Variants in ASXL3 observed in about 807,000 individuals in gnomAD.
The protein encoded by ASXL3 is putative Polycomb group protein ASXL3.
ASXL3 carries 34 observed loss-of-function variants against 170.6 expected under a neutral mutation model. The observed-to-expected ratio is 0.20, with a 90% confidence interval of 0.15 to 0.27. The LOEUF is 0.27. Ranked by LOEUF, ASXL3 falls within the 10% of genes least tolerant of loss-of-function variation. The pLI is 1.00. For synonymous variants in ASXL3, 1,002 were observed against 989.1 expected (o/e 1.01, Z -0.24); for missense variants, 2,592 against 2,695.3 (o/e 0.96, Z 0.85).
chr18:33,708,178 G>GT (rs2066995040), intron 8 of ASXL3, among the ~76,000 whole-genome samples: 1 of 152,146 alleles, frequency 6.6e-6, no homozygotes, highest in Admixed American at 6.5e-5. Flanking sequence ...CAAAGTTTGT[G>GT]TAAGATTTAT....
chr18:33,586,255 C>T (rs1408576507), intron 1 of ASXL3, among the ~76,000 whole-genome samples: 2 of 151,970 alleles, frequency 1.3e-5, no homozygotes, highest in Non-Finnish European at 2.9e-5. Flanking sequence ...TCTTTACATA[C>T]ATCAAATCCT....
chr18:33,578,779 C>T (rs555840143), intron 1 of ASXL3, 94 bp downstream of exon 1: 221 of 788,054 alleles, frequency 2.8e-4, no homozygotes, highest in African/African-American at 2.0e-3. Context: ...CCACTTCCAG[C>T]CCGAGCCGCC....
intron 1 of ASXL3, among the ~76,000 whole-genome samples, chr18:33,596,365 G>A (rs2145105336): frequency 6.6e-6 from 1 of 152,188 alleles, no homozygotes; most frequent in East Asian, 1.9e-4. Flanking sequence ...TAGTGTATGT[G>A]TGTGCTTGGT....
At chr18:33,706,147 C>G (rs771644360) in intron 8 of ASXL3, among the ~76,000 whole-genome samples, 3 of 149,684 alleles carry the variant, frequency 2.0e-5, no homozygotes, top group Non-Finnish European at 3.0e-5. Context: ...AGTAGCTGTA[C>G]TTTTAGGAAC....
chr18:33,586,426 C>G (rs1432531082), intron 1 of ASXL3, among the ~76,000 whole-genome samples: 1 of 151,348 alleles, frequency 6.6e-6, no homozygotes. Flanking sequence ...AGTATTATGT[C>G]TTCAAAACCT....
At chr18:33,612,666 A>G (rs2065355080) in intron 2 of ASXL3, among the ~76,000 whole-genome samples, 1 of 152,084 alleles carries the variant, frequency 6.6e-6, no homozygotes, top group Admixed American at 6.6e-5. Flanking sequence ...GGGGGATAAC[A>G]TGTCAGAAAT....
intron 8 of ASXL3, among the ~76,000 whole-genome samples, chr18:33,721,774 T>C (rs1027920999): frequency 1.5e-4 from 23 of 152,084 alleles, no homozygotes; most frequent in African/African-American, 1.7e-4. Context: ...TTTAGTTTGC[T>C]TTATTGCACT....
At chr18:33,627,321 G>T (rs1217995341) in intron 2 of ASXL3, among the ~76,000 whole-genome samples, 2 of 152,148 alleles carry the variant, frequency 1.3e-5, no homozygotes, top group Admixed American at 6.6e-5. Context: ...AAGTGAGAAA[G>T]TGTGAATTGT....
At chr18:33,618,499 A>T (rs2065463219) in intron 2 of ASXL3, among the ~76,000 whole-genome samples, 1 of 152,112 alleles carries the variant, frequency 6.6e-6, no homozygotes, top group African/African-American at 2.4e-5. Flanking sequence ...GGAGATGTAG[A>T]TATTACTGTT....
chr18:33,596,362 T>C (rs2065126845), intron 1 of ASXL3, among the ~76,000 whole-genome samples: 1 of 152,270 alleles, frequency 6.6e-6, no homozygotes, highest in South Asian at 2.1e-4. Context: ...TTTTAGTGTA[T>C]GTGTGTGCTT....
At chr18:33,628,406 A>G (rs888083075) in intron 2 of ASXL3, among the ~76,000 whole-genome samples, 8 of 152,182 alleles carry the variant, frequency 5.3e-5, no homozygotes, top group African/African-American at 1.9e-4. Context: ...AATGAGAGAC[A>G]TAGGAATGTA....
At chr18:33,620,723 G>A (rs913277217) in intron 2 of ASXL3, among the ~76,000 whole-genome samples, 1 of 152,132 alleles carries the variant, frequency 6.6e-6, no homozygotes, top group Admixed American at 6.6e-5. Flanking sequence ...ATAAGAAGGT[G>A]ATGAGGGATT....
chr18:33,649,835 A>G (rs1048297078), intron 4 of ASXL3, among the ~76,000 whole-genome samples: 2 of 152,120 alleles, frequency 1.3e-5, no homozygotes, highest in Non-Finnish European at 2.9e-5. Context: ...TGTAAGTGAT[A>G]TGAGAGTGGA....
At chr18:33,707,219 A>G (rs571520617) in intron 8 of ASXL3, among the ~76,000 whole-genome samples, 32 of 152,094 alleles carry the variant, frequency 2.1e-4, no homozygotes, top group Non-Finnish European at 3.4e-4. Flanking sequence ...TTGTATTTTC[A>G]TAGAAATTTT....
At chr18:33,728,591 C>T (rs1020828339) in intron 8 of ASXL3, among the ~76,000 whole-genome samples, 11 of 152,112 alleles carry the variant, frequency 7.2e-5, no homozygotes, top group Admixed American at 5.2e-4. Context: ...TAAAGACTTA[C>T]ACTCAAGGTT....
At chr18:33,689,119 G>A (rs971820037) in intron 8 of ASXL3, among the ~76,000 whole-genome samples, 3 of 151,798 alleles carry the variant, frequency 2.0e-5, no homozygotes, top group Non-Finnish European at 4.4e-5. Flanking sequence ...TCAGCCTCCC[G>A]AGTAGCTAGA....
At chr18:33,668,895 A>AACACAC (rs34048637) in intron 5 of ASXL3, among the ~76,000 whole-genome samples, 1 of 150,944 alleles carries the variant, frequency 6.6e-6, no homozygotes, top group African/African-American at 2.4e-5. Context: ...ACTCTAACCA[A>AACACAC]ACACACACAC....
rs960347161 is a variant in ASXL3, at chr18:33,746,717, C to A, written c.*122C>A. On this transcript the variant is annotated 3_prime_UTR_variant, in exon 12 of 12. Coordinates refer to ENST00000269197, the MANE Select transcript of ASXL3 (RefSeq NM_030632.3). ...AATTTATTTTGCTTTGGAGCAGGTA[C>A]CTTTCCTCTATGGCATTATTTTCTT... 2.4e-5 allele frequency: 35 copies of A among 1,431,954 alleles called. No individual in the cohort carries two copies. The highest frequency in any genetic ancestry group is 3.1e-5 in the Non-Finnish European group (34 of 1,087,152). The allele number at this position is 1,431,954 out of a possible 1,614,324, so 88.7% of individuals were successfully genotyped here.
chr18:33,717,661 A>G (rs1469978821), intron 8 of ASXL3, among the ~76,000 whole-genome samples: 1 of 152,094 alleles, frequency 6.6e-6, no homozygotes, highest in Non-Finnish European at 1.5e-5. Context: ...GGAGACTACC[A>G]TGGAATGTCT....
Sources: allele counts gnomAD v4.1 joint callset (sites outside exome capture counted in the v4.1 genomes callset), GRCh38; gene constraint gnomAD v4.1.1; transcripts MANE v1.5; gene names NCBI Gene and HGNC (gene_info 2026-07-23, HGNC 2026-07-21).